The following PDE12 variants were observed in gnomAD, a reference collection of about 807,000 sequenced individuals.
The protein encoded by PDE12 is phosphodiesterase 12.
Under a neutral mutation model 45.4 loss-of-function variants are expected in PDE12, and 26 were observed. The ratio of observed to expected loss-of-function variants is 0.57; its 90% CI spans 0.42 to 0.79. The LOEUF (loss-of-function observed/expected upper bound fraction) is 0.79. PDE12 is among the 30% of genes least tolerant of loss of function. The pLI, the probability that PDE12 is intolerant of heterozygous loss-of-function variation, is 0.00. For synonymous variants in PDE12, 283 were observed against 323.9 expected, an observed-to-expected ratio of 0.87 and a Z score of 1.36; for missense variants, 668 against 790.0, an observed-to-expected ratio of 0.85 and a Z score of 1.85.
At chr3:57,605,437 C>T in the PDE12 span, among the ~76,000 whole-genome samples, 1 of 151,978 alleles carries the variant, frequency 6.6e-6, no homozygotes, top group African/African-American at 2.4e-5. Context: ...ATCAATCAGC[C>T]AGATTGAAAA....
At chr3:57,640,123 G>A in the PDE12 span, among the ~76,000 whole-genome samples, 3 of 151,816 alleles carry the variant, frequency 2.0e-5, no homozygotes, top group South Asian at 6.3e-4. Context: ...ACAAAAATTA[G>A]CCAGGCGTGG....
chr3:57,638,032 G>A, the PDE12 span, among the ~76,000 whole-genome samples: 7 of 151,828 alleles, frequency 4.6e-5, no homozygotes, highest in Admixed American at 3.9e-4. Flanking sequence ...TACTGGGGAG[G>A]CTGAGACAGG....
chr3:57,630,239 T>G, the PDE12 span: 9 of 500,458 alleles, frequency 1.8e-5, no homozygotes, highest in African/African-American at 2.1e-5. Context: ...TTGTAAAGAT[T>G]AAAAGAGATT....
At chr3:57,614,214 G>A in the PDE12 span, among the ~76,000 whole-genome samples, 7 of 152,062 alleles carry the variant, frequency 4.6e-5, no homozygotes, top group Non-Finnish European at 1.0e-4. Context: ...ACACATTTTT[G>A]TTCTCAAGTG....
the PDE12 span, chr3:57,631,104 C>A: frequency 1.4e-6 from 1 of 735,816 alleles, no homozygotes; most frequent in Non-Finnish European, 2.3e-6. Flanking sequence ...ACAACTCCAT[C>A]ACTCCCCACA....
the PDE12 span, among the ~76,000 whole-genome samples, chr3:57,604,617 T>TTGGGGG: frequency 1.2e-4 from 1 of 8,338 alleles, no homozygotes; most frequent in Admixed American, 1.5e-3. Context: ...TTTTTTTTTT[T>TTGGGGG]GGGGGGGGTG....
the PDE12 span, among the ~76,000 whole-genome samples, chr3:57,591,816 G>A: frequency 1.3e-5 from 2 of 152,162 alleles, no homozygotes; most frequent in Admixed American, 6.6e-5. Flanking sequence ...GCCAGACAAA[G>A]AGGCCATAAA....
At chr3:57,655,798 T>C in the PDE12 span, among the ~76,000 whole-genome samples, 763 of 152,258 alleles carry the variant, frequency 5.0e-3, 2 homozygotes, top group Middle Eastern at 0.01. Context: ...ATTTCAGATA[T>C]GGGATATGCA....
the PDE12 span, among the ~76,000 whole-genome samples, chr3:57,636,014 CT>C: frequency 1.6e-4 from 25 of 152,122 alleles, no homozygotes; most frequent in Admixed American, 1.6e-3. Flanking sequence ...TTTATTTCCC[CT>C]AGCTTACTTT....
rs201149723 is a variant in PDE12, at chr3:57,559,766, A to G, written c.1592A>G (p.Asn531Ser). 3 of 1,614,222 alleles carry G rather than the reference A, an allele frequency of 1.9e-6. No homozygotes were observed. Among genetic ancestry groups the G allele is most frequent in the Middle Eastern group, 1.6e-4 (1 of 6,062 alleles). Residue 531 changes from asparagine to serine, a missense_variant, in exon 3 of 3, where the codon AAT (asparagine) becomes AGT (serine). Transcript: ENST00000311180. ...WASNGEEERC[N>S]MSLTHFFKLK... is the part of the protein sequence containing the mutation. ...TCCAATGGGGAGGAGGAAAGATGCAATATGTCTCTTACACATTTCTTCAAG... is the reference window on the plus strand; with the variant it reads ...TCCAATGGGGAGGAGGAAAGATGCAGTATGTCTCTTACACATTTCTTCAAG...
At chr3:57,609,053 A>G in the PDE12 span, among the ~76,000 whole-genome samples, 1 of 152,212 alleles carries the variant, frequency 6.6e-6, no homozygotes, top group African/African-American at 2.4e-5. Flanking sequence ...CAACAGTGCA[A>G]TCAAACTAGA....
At chr3:57,572,059 C>T in the PDE12 span, 2 of 601,840 alleles carry the variant, frequency 3.3e-6, no homozygotes, top group South Asian at 4.3e-5. Context: ...CAACATTATA[C>T]TCGGTAAACA....
chr3:57,585,737 A>G, the PDE12 span, among the ~76,000 whole-genome samples: 2 of 146,510 alleles, frequency 1.4e-5, no homozygotes, highest in African/African-American at 5.1e-5. Context: ...ATATCAGCTC[A>G]CTGCAACCTC....
At chr3:57,578,442 C>A in the PDE12 span, among the ~76,000 whole-genome samples, 1 of 150,438 alleles carries the variant, frequency 6.6e-6, no homozygotes, top group East Asian at 1.9e-4. Context: ...GTAAGACATT[C>A]TTTAAAAAAA....
the PDE12 span, among the ~76,000 whole-genome samples, chr3:57,653,086 G>C: frequency 2.0e-5 from 3 of 152,094 alleles, no homozygotes; most frequent in Admixed American, 6.6e-5. Context: ...GAGATGACAG[G>C]GCACCAAGTC....
chr3:57,607,850 A>G, the PDE12 span, among the ~76,000 whole-genome samples: 3 of 152,194 alleles, frequency 2.0e-5, no homozygotes, highest in African/African-American at 7.2e-5. Flanking sequence ...CAACCTAGCA[A>G]GGCAGGCCAA....
the PDE12 span, among the ~76,000 whole-genome samples, chr3:57,654,127 T>G: frequency 2.0e-5 from 3 of 151,040 alleles, no homozygotes; most frequent in African/African-American, 7.3e-5. Context: ...TTTTTTTTTT[T>G]TGTATTTTTA....
rs1207911588 is a variant in PDE12, at chr3:57,560,918, T to C, written c.*914T>C. ...TCAGAGCTTTAACAAAAGATAAAAA[T>C]AAATCGTCACCAATTGTTATTGCTT... On this transcript the variant is annotated 3_prime_UTR_variant, in exon 3 of 3. Transcript: ENST00000311180. 1 of 984,276 alleles carries C rather than the reference T, an allele frequency of 1.0e-6. No individual in the cohort carries two copies. Among genetic ancestry groups the C allele is most frequent in the African/African-American group, 1.7e-5 (1 of 57,204 alleles). 61.0% of individuals were successfully genotyped at this position (984,276 alleles called of 1,614,324 possible). A position where few individuals can be genotyped will look rare whatever the true frequency, so the allele number is the denominator to read the frequency against.
At chr3:57,586,317 G>T in the PDE12 span, among the ~76,000 whole-genome samples, 1 of 152,118 alleles carries the variant, frequency 6.6e-6, no homozygotes, top group Admixed American at 6.5e-5. Flanking sequence ...GCATGACTTA[G>T]CACATAAAAG....
Sources: allele counts gnomAD v4.1 joint callset (sites outside exome capture counted in the v4.1 genomes callset), GRCh38; gene constraint gnomAD v4.1.1; transcripts MANE v1.5; gene names NCBI Gene and HGNC (gene_info 2026-07-23, HGNC 2026-07-21).